The following ANKS1B variants were observed in gnomAD, a reference collection of about 807,000 sequenced individuals.
The protein encoded by ANKS1B is ankyrin repeat and sterile alpha motif domain containing 1B.
In ANKS1B, 36 loss-of-function variants were observed where a neutral mutation model predicts 148.3. The observed-to-expected ratio is 0.24, with a 90% CI of 0.19 to 0.32. ANKS1B has a LOEUF of 0.32. Among genes scored for constraint, ANKS1B ranks in the 10% least tolerant of loss-of-function variants. The pLI is 1.00. For missense variants in ANKS1B, 1,157 were observed against 1,542.6 expected, an observed-to-expected ratio of 0.75 and a Z score of 4.19; for synonymous variants, 542 against 560.8, an observed-to-expected ratio of 0.97 and a Z score of 0.47.
intron 8 of ANKS1B, among the ~76,000 whole-genome samples, chr12:99,670,840 T>C (rs1280788674): frequency 6.6e-6 from 1 of 152,098 alleles, no homozygotes; most frequent in Non-Finnish European, 1.5e-5. Context: ...TAAGGCAGTA[T>C]GAATGTGCTT....
At chr12:99,474,444 TG>T (rs1595528573) in intron 10 of ANKS1B, among the ~76,000 whole-genome samples, 1 of 152,176 alleles carries the variant, frequency 6.6e-6, no homozygotes, top group South Asian at 2.1e-4. Flanking sequence ...AGTATATCAG[TG>T]GTTACATTAA....
At chr12:99,583,370 G>A (rs1255368073) in intron 9 of ANKS1B, among the ~76,000 whole-genome samples, 1 of 152,174 alleles carries the variant, frequency 6.6e-6, no homozygotes, top group African/African-American at 2.4e-5. Context: ...GAATGGGGAA[G>A]GAAGAATTAC....
At chr12:99,785,047 T>C (rs2064854535) in intron 4 of ANKS1B, among the ~76,000 whole-genome samples, 1 of 152,172 alleles carries the variant, frequency 6.6e-6, no homozygotes, top group Non-Finnish European at 1.5e-5. Flanking sequence ...GGAATTTTTC[T>C]GAGGGCAAGA....
chr12:99,198,143 T>C (rs906501327), intron 14 of ANKS1B, among the ~76,000 whole-genome samples: 6 of 152,154 alleles, frequency 3.9e-5, no homozygotes, highest in African/African-American at 1.4e-4. Context: ...GGAATACTTT[T>C]TTCTTATGGC....
At chr12:98,977,699 T>G (rs889518150) in intron 17 of ANKS1B, among the ~76,000 whole-genome samples, 2 of 152,306 alleles carry the variant, frequency 1.3e-5, no homozygotes, top group East Asian at 3.9e-4. Context: ...TCATTCTGGA[T>G]GAATATTCTG....
intron 9 of ANKS1B, among the ~76,000 whole-genome samples, chr12:99,642,832 A>C (rs1169718614): frequency 1.3e-5 from 2 of 152,074 alleles, no homozygotes; most frequent in African/African-American, 4.8e-5. Context: ...AATAAAAGAG[A>C]ATCTGTTCCC....
At chr12:99,537,872 A>G (rs2097088369) in intron 9 of ANKS1B, among the ~76,000 whole-genome samples, 1 of 152,138 alleles carries the variant, frequency 6.6e-6, no homozygotes, top group Non-Finnish European at 1.5e-5. Context: ...GTTTTCTTAT[A>G]GTAGTTTCAT....
chr12:99,251,323 C>T (rs1373462678), intron 12 of ANKS1B, among the ~76,000 whole-genome samples: 2 of 151,992 alleles, frequency 1.3e-5, no homozygotes, highest in African/African-American at 4.8e-5. Context: ...GTATTAGACA[C>T]TCAATAAAGA....
chr12:98,901,457 G>A (rs567336530), intron 17 of ANKS1B, among the ~76,000 whole-genome samples: 42 of 152,260 alleles, frequency 2.8e-4, no homozygotes, highest in African/African-American at 8.9e-4. Context: ...AATGTTTTGG[G>A]AAACCCAAAG....
chr12:99,161,253 T>TTG (rs1566520187), intron 14 of ANKS1B, among the ~76,000 whole-genome samples: 1 of 152,134 alleles, frequency 6.6e-6, no homozygotes, highest in Admixed American at 6.5e-5. Flanking sequence ...TCAAAATCAA[T>TTG]GGAGGTTACA....
At chr12:99,702,527 CAGA>C (rs2055003630) in intron 8 of ANKS1B, among the ~76,000 whole-genome samples, 1 of 151,918 alleles carries the variant, frequency 6.6e-6, no homozygotes, top group African/African-American at 2.4e-5. Flanking sequence ...CTTTCCTATG[CAGA>C]AGGTTTTGTT....
chr12:99,737,118 AG>A (rs1164998951), intron 8 of ANKS1B, among the ~76,000 whole-genome samples: 2 of 152,190 alleles, frequency 1.3e-5, no homozygotes, highest in African/African-American at 4.8e-5. Flanking sequence ...TATGGAAAAC[AG>A]TATGGAGATT....
At chr12:99,048,534 T>TTA (rs2099963906) in intron 17 of ANKS1B, among the ~76,000 whole-genome samples, 1 of 152,208 alleles carries the variant, frequency 6.6e-6, no homozygotes, top group South Asian at 2.1e-4. Flanking sequence ...CCAATGACAT[T>TTA]TTAGTGATTA....
chr12:98,772,472 T>C (rs2098599376), intron 25 of ANKS1B, among the ~76,000 whole-genome samples: 1 of 152,108 alleles, frequency 6.6e-6, no homozygotes, highest in African/African-American at 2.4e-5. Context: ...GGCTCACAGT[T>C]CCACATGGCT....
intron 1 of ANKS1B, among the ~76,000 whole-genome samples, chr12:99,877,383 A>T (rs949277577): frequency 6.6e-6 from 1 of 152,010 alleles, no homozygotes; most frequent in Non-Finnish European, 1.5e-5. Flanking sequence ...CCCCATGATT[A>T]TGCCCCCTAG....
intron 17 of ANKS1B, among the ~76,000 whole-genome samples, chr12:99,021,870 A>C (rs939042145): frequency 2.6e-4 from 39 of 152,200 alleles, no homozygotes; most frequent in Middle Eastern, 3.2e-3. Context: ...AAATAATCTC[A>C]TACAGTGGTT....
At chr12:99,062,338 A>AT (rs1202877047) in intron 16 of ANKS1B, among the ~76,000 whole-genome samples, 22 of 152,038 alleles carry the variant, frequency 1.4e-4, no homozygotes, top group Admixed American at 5.9e-4. Context: ...AATCTTTGTT[A>AT]TTTTTTTTCT....
intron 8 of ANKS1B, among the ~76,000 whole-genome samples, chr12:99,717,565 C>T (rs533779804): frequency 3.9e-5 from 6 of 152,278 alleles, no homozygotes; most frequent in Admixed American, 3.3e-4. Flanking sequence ...TTGGACTGTT[C>T]AACTCACCTG....
intron 9 of ANKS1B, among the ~76,000 whole-genome samples, chr12:99,530,974 C>A (rs2096982928): frequency 6.6e-6 from 1 of 152,164 alleles, no homozygotes; most frequent in South Asian, 2.1e-4. Context: ...AGCCTCCATC[C>A]TGAATGACAT....
Sources: gnomAD v4.1 joint callset for allele counts (sites outside exome capture counted in the v4.1 genomes callset) on GRCh38, gnomAD v4.1.1 for gene constraint, MANE v1.5 for transcripts, NCBI Gene and HGNC (gene_info 2026-07-23, HGNC 2026-07-21) for gene names.